The following MDGA2 variants were observed in gnomAD, a reference collection of about 807,000 sequenced individuals.
MDGA2 encodes MAM domain containing glycosylphosphatidylinositol anchor 2.
Under a neutral mutation model 117.8 loss-of-function variants are expected in MDGA2, and 40 were observed. The observed-to-expected ratio is 0.34, with a 90% CI of 0.26 to 0.44. MDGA2 has a LOEUF of 0.44. MDGA2 is among the 20% of genes least tolerant of loss of function. The pLI, the probability that MDGA2 is intolerant of heterozygous loss-of-function variation, is 1.00. For missense variants in MDGA2, 1,123 were observed against 1,250.6 expected, an observed-to-expected ratio of 0.90 and a Z score of 1.54; for synonymous variants, 452 against 439.0, an observed-to-expected ratio of 1.03 and a Z score of -0.37.
In MDGA2 at chr14:46,989,393, A is replaced by G. The variant is rs560672232; in HGVS notation, c.1820-31750T>C. ...GCCTTGGGTAACATGATTTCTCATCAGAGTGAACTCCAGGTACATTTAAAC... is the reference window on the plus strand; with the variant it reads ...GCCTTGGGTAACATGATTTCTCATCGGAGTGAACTCCAGGTACATTTAAAC... On this transcript the variant is annotated intron_variant, in intron 8 of 16. Transcript: ENST00000399232. Among the ~76,000 whole-genome samples, 10 of 152,218 alleles carry G rather than the reference A, an allele frequency of 6.6e-5. No homozygotes were observed. In the South Asian group the frequency reaches 2.1e-3, roughly 32 times the overall value.
At chr14:46,992,561 T>C (rs541997387) in intron 8 of MDGA2, among the ~76,000 whole-genome samples, 1 of 152,320 alleles carries the variant, frequency 6.6e-6, no homozygotes, top group South Asian at 2.1e-4. Flanking sequence ...AAATTTATTA[T>C]GCATTAGAAT....
At chr14:47,213,891 C>T (rs1054143585) in intron 3 of MDGA2, among the ~76,000 whole-genome samples, 3 of 152,064 alleles carry the variant, frequency 2.0e-5, no homozygotes, top group African/African-American at 7.2e-5. Flanking sequence ...ACAATCACAG[C>T]GGAAGGCAAA....
chr14:47,048,577 A>G (rs142980772), intron 7 of MDGA2, among the ~76,000 whole-genome samples: 1 of 152,178 alleles, frequency 6.6e-6, no homozygotes, highest in Non-Finnish European at 1.5e-5. Flanking sequence ...TACACCACTG[A>G]TTGTATACCA....
intron 1 of MDGA2, among the ~76,000 whole-genome samples, chr14:47,424,749 T>A (rs1465529416): frequency 1.3e-5 from 2 of 152,198 alleles, no homozygotes; most frequent in South Asian, 2.1e-4. Flanking sequence ...GATCTCTTCA[T>A]GTTTCTCTTT....
At chr14:47,475,833 G>T (rs570306139) in intron 1 of MDGA2, among the ~76,000 whole-genome samples, 112 of 152,230 alleles carry the variant, frequency 7.4e-4, no homozygotes, top group African/African-American at 2.6e-3. Context: ...GTCAGGGATC[G>T]GGGAGCATCA....
chr14:47,433,678 T>C (rs1892843059), intron 1 of MDGA2, among the ~76,000 whole-genome samples: 1 of 152,164 alleles, frequency 6.6e-6, no homozygotes, highest in African/African-American at 2.4e-5. Context: ...GCCATTTACA[T>C]TGTTATTCCA....
chr14:47,289,337 A>ACACACACACACACG (rs1304907314), intron 2 of MDGA2, among the ~76,000 whole-genome samples: 1 of 148,910 alleles, frequency 6.7e-6, no homozygotes, highest in African/African-American at 2.5e-5. Flanking sequence ...ACACACACAC[A>ACACACACACACACG]CGCACACACT....
At position 47,053,619 on chromosome 14, in the gene MDGA2, A is replaced by G. The variant is rs1414537201; in HGVS notation, c.1525+7630T>C. On this transcript the variant is annotated intron_variant, in intron 7 of 16. Coordinates refer to ENST00000399232, the MANE Select transcript of MDGA2 (RefSeq NM_001113498.3). ...TGTATGTGTATATATATATATATATATATATATATATATATATATATATAT... is the reference window on the plus strand; with the variant it reads ...TGTATGTGTATATATATATATATATGTATATATATATATATATATATATAT... Among the ~76,000 whole-genome samples the G allele has an allele frequency of 1.5e-3, 114 of 74,454 alleles. 4 individuals are homozygous for G. Among genetic ancestry groups the G allele is most frequent in the African/African-American group, 2.1e-3 (33 of 15,410 alleles). The allele number at this position is 74,454 out of a possible 152,430, so 48.8% of individuals were successfully genotyped here.
chr14:47,587,634 T>C lies in MDGA2; in HGVS notation c.280+86883A>G, dbSNP rs886712791. On this transcript the variant is annotated intron_variant, in intron 1 of 16. Transcript: ENST00000399232. ...ATGTTGAGGTAGCACTCCTAAGTTA[T>C]GGAAATACTTGCATGTTTCTGTTCA... Among the ~76,000 whole-genome samples the C allele has an allele frequency of 3.9e-5, 6 of 152,074 alleles. No individual in the cohort carries two copies. The East Asian group carries it at 9.7e-4, about 25-fold the overall frequency.
chr14:47,111,946 T>C (rs1285113564), intron 5 of MDGA2, among the ~76,000 whole-genome samples: 1 of 152,168 alleles, frequency 6.6e-6, no homozygotes, highest in Non-Finnish European at 1.5e-5. Context: ...AAAAATTACA[T>C]AGTTCTCCAA....
intron 9 of MDGA2, among the ~76,000 whole-genome samples, chr14:46,925,418 G>C (rs980914081): frequency 4.6e-5 from 7 of 152,140 alleles, no homozygotes; most frequent in African/African-American, 1.7e-4. Context: ...GATCACTTGA[G>C]GTCAGGAGTT....
intron 1 of MDGA2, among the ~76,000 whole-genome samples, chr14:47,487,501 C>CA (rs1894085124): frequency 1.3e-5 from 2 of 152,134 alleles, no homozygotes; most frequent in Admixed American, 1.3e-4. Context: ...AGAGAAGACT[C>CA]ACAGAAAATG....
intron 7 of MDGA2, 53 bp downstream of exon 7, chr14:47,061,196 T>C (rs1889868531): frequency 6.7e-7 from 1 of 1,499,520 alleles, no homozygotes; most frequent in Admixed American, 1.9e-5. Context: ...TCTGTTAAAC[T>C]TCAATCATTC....
intron 8 of MDGA2, among the ~76,000 whole-genome samples, chr14:47,019,308 A>G (rs1331201549): frequency 6.6e-6 from 1 of 152,210 alleles, no homozygotes; most frequent in Non-Finnish European, 1.5e-5. Flanking sequence ...GTAAGTACAC[A>G]AAACAATAAT....
intron 4 of MDGA2, among the ~76,000 whole-genome samples, chr14:47,141,941 G>A (rs1882737977): frequency 6.6e-6 from 1 of 152,100 alleles, no homozygotes; most frequent in Admixed American, 6.6e-5. Context: ...ATTTGATTAT[G>A]ATACAATGTG....
intron 1 of MDGA2, among the ~76,000 whole-genome samples, chr14:47,614,985 A>G (rs1329004452): frequency 1.3e-5 from 2 of 152,150 alleles, no homozygotes; most frequent in Non-Finnish European, 2.9e-5. Flanking sequence ...GCAGTCACAA[A>G]GTAGATTCTA....
Position 47,243,051 on chromosome 14 carries a change from CT to C in MDGA2, c.421-24857del, listed in dbSNP as rs1242450660. Among the ~76,000 whole-genome samples, 10 of 151,744 alleles carry C rather than the reference CT, an allele frequency of 6.6e-5. 1 individual carries two copies. Among genetic ancestry groups the C allele is most frequent in the African/African-American group, 2.4e-4 (10 of 41,440 alleles). On this transcript the variant is annotated intron_variant, in intron 2 of 16. Coordinates refer to ENST00000399232, the MANE Select transcript of MDGA2 (RefSeq NM_001113498.3). The stretch of plus-strand genomic sequence containing the variant: ...CTGCTCTGGTGAGGACGTGCAGAAC[CT>C]TTACATCTAGCTCAAGGATTATAAA...
intron 1 of MDGA2, among the ~76,000 whole-genome samples, chr14:47,583,026 A>C (rs1247702768): frequency 1.3e-5 from 2 of 151,912 alleles, no homozygotes; most frequent in Admixed American, 1.3e-4. Flanking sequence ...TCTTCTAAAG[A>C]CAATCCAAAT....
intron 14 of MDGA2, among the ~76,000 whole-genome samples, chr14:46,862,404 T>A (rs188683051): frequency 1.4e-4 from 21 of 148,712 alleles, no homozygotes; most frequent in African/African-American, 3.7e-4. Context: ...TATTTTAATA[T>A]TATTTAATAT....
Sources: allele counts gnomAD v4.1 joint callset (sites outside exome capture counted in the v4.1 genomes callset), GRCh38; gene constraint gnomAD v4.1.1; transcripts MANE v1.5; gene names NCBI Gene and HGNC (gene_info 2026-07-23, HGNC 2026-07-21).